The following ADK variants were observed in gnomAD, a reference collection of about 807,000 sequenced individuals.
ADK encodes adenosine kinase, also known as N6,N6-dimethyladenosine kinase.
In ADK, 24 loss-of-function variants were observed where a neutral mutation model predicts 44.7. That is an observed-to-expected ratio of 0.54 (90% confidence interval 0.39 to 0.76). The LOEUF (loss-of-function observed/expected upper bound fraction) is 0.76. Ranked by LOEUF, ADK falls within the 30% of genes least tolerant of loss-of-function variation. ADK has a pLI of 0.00. For synonymous variants in ADK, 128 were observed against 142.6 expected (o/e 0.90, Z 0.73); for missense variants, 321 against 425.1 (o/e 0.76, Z 2.15).
intron 10 of ADK, among the ~76,000 whole-genome samples, chr10:74,681,849 CAAA>C (rs34381749): frequency 1.2e-4 from 11 of 93,134 alleles, no homozygotes; most frequent in Admixed American, 1.1e-4. Context: ...GACTCCATCT[CAAA>C]AAAAAAAAAA....
At chr10:74,482,579 A>G (rs1251380451) in intron 6 of ADK, among the ~76,000 whole-genome samples, 1 of 152,166 alleles carries the variant, frequency 6.6e-6, no homozygotes, top group Non-Finnish European at 1.5e-5. Flanking sequence ...GCATTAACTC[A>G]AAAGTCCACA....
Position 74,276,377 on chromosome 10 carries a change from G to T in ADK, c.195-38290G>T, listed in dbSNP as rs115779321. Among the ~76,000 whole-genome samples, 618 of 152,204 alleles carry T rather than the reference G, an allele frequency of 4.1e-3. 6 individuals are homozygous for T. The highest frequency in any genetic ancestry group is 0.014 in the African/African-American group (580 of 41,528). On this transcript the variant is annotated intron_variant, in intron 3 of 10. Coordinates refer to ENST00000539909, the MANE Select transcript of ADK (RefSeq NM_006721.4). ...TTCTGGTTATCTTTTGGATGACAGG[G>T]GTATTGCTTTCTGGGCCCCAACACT...
chr10:74,292,630 C>T (rs1266505425), intron 3 of ADK, among the ~76,000 whole-genome samples: 5 of 152,132 alleles, frequency 3.3e-5, no homozygotes, highest in Non-Finnish European at 7.4e-5. Flanking sequence ...CAGTTTTATC[C>T]TTCTCGTTAT....
At chr10:74,246,442 A>G (rs954732891) in intron 3 of ADK, among the ~76,000 whole-genome samples, 1 of 152,230 alleles carries the variant, frequency 6.6e-6, no homozygotes, top group African/African-American at 2.4e-5. Context: ...GGTTGGTTTT[A>G]TAGACAGAAA....
intron 9 of ADK, among the ~76,000 whole-genome samples, chr10:74,620,287 C>T (rs1027334211): frequency 8.5e-5 from 13 of 152,280 alleles, no homozygotes; most frequent in African/African-American, 2.4e-4. Flanking sequence ...CCCTTCCCAG[C>T]CTCTAATATC....
intron 4 of ADK, among the ~76,000 whole-genome samples, chr10:74,331,919 T>C (rs1413650214): frequency 1.3e-5 from 2 of 152,264 alleles, no homozygotes; most frequent in Admixed American, 6.5e-5. Context: ...GTGTTTGCGA[T>C]CTTGGCTCAC....
chr10:74,627,083 AG>A (rs1156276693), intron 9 of ADK, among the ~76,000 whole-genome samples: 2 of 152,178 alleles, frequency 1.3e-5, no homozygotes, highest in African/African-American at 4.8e-5. Flanking sequence ...TTGACTATTC[AG>A]GGATCTGTTA....
chr10:74,557,653 C>T (rs1020051448), intron 7 of ADK, among the ~76,000 whole-genome samples: 1 of 152,078 alleles, frequency 6.6e-6, no homozygotes, highest in Non-Finnish European at 1.5e-5. Flanking sequence ...TATTGTAGGG[C>T]ACCAAGCAAG....
intron 3 of ADK, among the ~76,000 whole-genome samples, chr10:74,246,022 G>A (rs1352963566): frequency 1.3e-5 from 2 of 151,640 alleles, no homozygotes; most frequent in Non-Finnish European, 2.9e-5. Flanking sequence ...GTATATTCAG[G>A]TTAAAAAAAA....
At chr10:74,639,772 G>C (rs1041334868) in intron 9 of ADK, among the ~76,000 whole-genome samples, 1 of 152,144 alleles carries the variant, frequency 6.6e-6, no homozygotes, top group South Asian at 2.1e-4. Flanking sequence ...GGAGGCAGAG[G>C]TTGCGGTGAG....
chr10:74,687,846 A>G (rs569910606), intron 10 of ADK, among the ~76,000 whole-genome samples: 128 of 152,278 alleles, frequency 8.4e-4, no homozygotes, highest in Admixed American at 1.2e-3. Context: ...CACTTACTGT[A>G]GTAGTTTCCT....
chr10:74,307,374 G>A (rs138653527), intron 3 of ADK, among the ~76,000 whole-genome samples: 17 of 152,294 alleles, frequency 1.1e-4, no homozygotes, highest in South Asian at 1.0e-3. Flanking sequence ...CTGTCTTCAT[G>A]CTTCTGGCTG....
At chr10:74,370,540 CTT>C (rs1842626897) in intron 4 of ADK, among the ~76,000 whole-genome samples, 1 of 152,114 alleles carries the variant, frequency 6.6e-6, no homozygotes. Flanking sequence ...TGACTACTAA[CTT>C]AATGTTTTCA....
intron 9 of ADK, chr10:74,655,751 G>T (rs1538311): frequency 0.35 from 168,574 of 484,096 alleles, 33,484 homozygotes; most frequent in Non-Finnish European, 0.43. Flanking sequence ...TCCTCCAGTT[G>T]CCAGACACCC....
At chr10:74,490,183 G>A (rs951825535) in intron 6 of ADK, among the ~76,000 whole-genome samples, 4 of 151,878 alleles carry the variant, frequency 2.6e-5, no homozygotes, top group Admixed American at 1.3e-4. Context: ...TTTTTAAAAT[G>A]TTTTAGAAAA....
intron 1 of ADK, among the ~76,000 whole-genome samples, chr10:74,163,988 C>T (rs956568396): frequency 9.2e-5 from 14 of 152,108 alleles, no homozygotes; most frequent in African/African-American, 2.9e-4. Context: ...GCCATTAAGC[C>T]GTAGAAGTGA....
At chr10:74,431,921 A>C (rs1354430547) in intron 6 of ADK, among the ~76,000 whole-genome samples, 1 of 152,160 alleles carries the variant, frequency 6.6e-6, no homozygotes, top group Non-Finnish European at 1.5e-5. Flanking sequence ...TGGCAGATGC[A>C]GTGGCTCATG....
At chr10:74,408,154 A>ATT (rs146437712) in intron 6 of ADK, among the ~76,000 whole-genome samples, 172 of 103,876 alleles carry the variant, frequency 1.7e-3, no homozygotes, top group African/African-American at 5.6e-3. Flanking sequence ...TGAGTTTTGT[A>ATT]TTTTTTTTTT....
At chr10:74,278,964 C>T (rs1394766713) in intron 3 of ADK, among the ~76,000 whole-genome samples, 1 of 151,998 alleles carries the variant, frequency 6.6e-6, no homozygotes, top group African/African-American at 2.4e-5. Context: ...TTGTTCATCC[C>T]TCTTGTTCTT....
Sources: allele counts gnomAD v4.1 joint callset (sites outside exome capture counted in the v4.1 genomes callset), GRCh38; gene constraint gnomAD v4.1.1; transcripts MANE v1.5; gene names NCBI Gene and HGNC (gene_info 2026-07-23, HGNC 2026-07-21).